The following BCL2L11 variants were observed in gnomAD, a reference collection of about 807,000 sequenced individuals.
The protein encoded by BCL2L11 is bcl-2-like protein 11.
BCL2L11 carries 15 observed loss-of-function variants against 20.6 expected under a neutral mutation model. The ratio of observed to expected loss-of-function variants is 0.73; its 90% CI spans 0.49 to 1.12. BCL2L11 has a LOEUF of 1.12. Among genes scored for constraint, BCL2L11 ranks in the 50% most tolerant of loss-of-function variants. The pLI is 0.00. For synonymous variants in BCL2L11, 108 were observed against 92.8 expected (o/e 1.16, Z -0.94); for missense variants, 292 against 260.9 (o/e 1.12, Z -0.82).
In BCL2L11 at chr2:111,160,438, C is replaced by T. The variant is rs558151960; in HGVS notation, c.499-3695C>T. ...ACCTGATGCTGGTCAGCAACAGGGCCACTGGAGCCCCTTACCCTGAGAGGG... is the reference window on the plus strand; with the variant it reads ...ACCTGATGCTGGTCAGCAACAGGGCTACTGGAGCCCCTTACCCTGAGAGGG... On this transcript the variant is annotated intron_variant, in intron 3 of 3. Transcript: ENST00000393256. 5.9e-5 allele frequency among the ~76,000 whole-genome samples: 9 copies of T among 152,336 alleles called. No homozygotes were observed. In the South Asian group the frequency reaches 1.7e-3, roughly 28 times the overall value.
At chr2:111,127,315 TC>T (rs1262123555) in intron 2 of BCL2L11, among the ~76,000 whole-genome samples, 1 of 152,062 alleles carries the variant, frequency 6.6e-6, no homozygotes, top group Non-Finnish European at 1.5e-5. Flanking sequence ...TTGAGAAAAG[TC>T]AGGATATGGA....
intron 3 of BCL2L11, chr2:111,150,397 G>A: frequency 1.8e-6 from 1 of 552,670 alleles, no homozygotes; most frequent in Non-Finnish European, 2.9e-6. Context: ...TTAAAACAAT[G>A]CTAAAAAAGG....
chr2:111,144,474 C>A (rs1199380679), intron 2 of BCL2L11: 1 of 1,550,568 alleles, frequency 6.4e-7, no homozygotes, highest in Non-Finnish European at 8.7e-7. Flanking sequence ...CAGTTGCTCT[C>A]CTTTGCCTTA....
rs1553483155 is a variant in BCL2L11 at position 111,120,966 on chromosome 2, G to GCGCCGCTGCCGCTGC, written c.-229_-215dup. The GCGCCGCTGCCGCTGC allele has an allele frequency of 1.6e-5, 6 of 368,004 alleles. No homozygotes were observed. The highest frequency in any genetic ancestry group is 1.4e-4 in the African/African-American group (5 of 36,500). The allele number at this position is 368,004 out of a possible 1,614,324, so 22.8% of individuals were successfully genotyped here. ...GCAGTTTGTTGGAGCTCTGCGTCCA[G>GCGCCGCTGCCGCTGC]CGCCGCTGCCGCTGCCGCCGCCGCC... On this transcript the variant is annotated 5_prime_UTR_variant, in exon 1 of 4. Transcript: ENST00000393256.
Position 111,123,987 on chromosome 2 carries a change from T to C in BCL2L11, c.242T>C (p.Ile81Thr). Residue 81 changes from isoleucine to threonine, a missense_variant, in exon 2 of 4, where the codon ATC becomes ACC. Physicochemically the swap from Ile to Thr is moderately conservative, Grantham distance 89 (BLOSUM62 -1). Coordinates refer to ENST00000393256, the MANE Select transcript of BCL2L11 (RefSeq NM_138621.5). The stretch of plus-strand genomic sequence containing the variant: ...TTTGCTACCAGATCCCCGCTTTTCA[T>C]CTTTATGAGAAGATCCTCCCTGCTG... ...GPFATRSPLFIFMRRSSLLSR... is the reference protein window; with the variant it reads ...GPFATRSPLFTFMRRSSLLSR... 1 of 1,614,236 alleles carries C rather than the reference T, an allele frequency of 6.2e-7. No individual in the cohort carries two copies.
chr2:111,158,760 C>T (rs2150569330), intron 3 of BCL2L11, among the ~76,000 whole-genome samples: 1 of 152,266 alleles, frequency 6.6e-6, no homozygotes, highest in African/African-American at 2.4e-5. Context: ...TCGTTTTTCC[C>T]TCGTTGCTCT....
intron 2 of BCL2L11, chr2:111,132,048 G>C (rs987288965): frequency 6.6e-6 from 1 of 152,170 alleles, no homozygotes; most frequent in African/African-American, 2.4e-5. Flanking sequence ...CCACACTCCA[G>C]CTCCCAATCT....
chr2:111,120,991 C>CGCT lies in BCL2L11; in HGVS notation c.-209_-208insTGC. On this transcript the variant is annotated 5_prime_UTR_variant, in exon 1 of 4. Transcript: ENST00000393256. ...GCGCCGCTGCCGCTGCCGCCGCCGC[C>CGCT]GCCGCCGCCGCCGCCGCCGCCGCCG... 2 of 310,288 alleles carry CGCT rather than the reference C, an allele frequency of 6.4e-6. No individual in the cohort carries two copies. The highest frequency in any genetic ancestry group is 5.6e-5 in the South Asian group (1 of 17,838). The allele number at this position is 310,288 out of a possible 1,614,324, so 19.2% of individuals were successfully genotyped here. A position where few individuals can be genotyped will look rare whatever the true frequency, so the allele number is the denominator to read the frequency against.
chr2:111,164,372 A>AC lies in BCL2L11; in HGVS notation c.*143dup. On this transcript the variant is annotated 3_prime_UTR_variant, in exon 4 of 4. Coordinates refer to ENST00000393256, the MANE Select transcript of BCL2L11 (RefSeq NM_138621.5). ...GGGGGCAGGTGACGTTTCAGAAGACACCGAGCTGGATGGGACTACCTTTCT... is the reference window on the plus strand; with the variant it reads ...GGGGGCAGGTGACGTTTCAGAAGACACCCGAGCTGGATGGGACTACCTTTCT... 1 of 642,062 alleles carries AC rather than the reference A, an allele frequency of 1.6e-6. No homozygotes were observed. Among genetic ancestry groups the AC allele is most frequent in the Non-Finnish European group, 2.9e-6 (1 of 349,704 alleles). 39.8% of individuals were successfully genotyped at this position (642,062 alleles called of 1,614,324 possible). A position where few individuals can be genotyped will look rare whatever the true frequency, so the allele number is the denominator to read the frequency against.
At chr2:111,161,261 A>G (rs1350822433) in intron 3 of BCL2L11, among the ~76,000 whole-genome samples, 4 of 152,238 alleles carry the variant, frequency 2.6e-5, no homozygotes, top group African/African-American at 9.6e-5. Flanking sequence ...ATAAAGAGGA[A>G]GATACCCAGA....
At chr2:111,129,396 CATTT>C (rs1487880601) in intron 2 of BCL2L11, among the ~76,000 whole-genome samples, 5 of 152,146 alleles carry the variant, frequency 3.3e-5, no homozygotes, top group African/African-American at 1.2e-4. Flanking sequence ...GTTCCAAACA[CATTT>C]ATTAATTGTT....
chr2:111,154,105 A>C (rs2077548078), intron 3 of BCL2L11, among the ~76,000 whole-genome samples: 1 of 152,182 alleles, frequency 6.6e-6, no homozygotes, highest in Non-Finnish European at 1.5e-5. Flanking sequence ...ACCCTTTTAT[A>C]TCTGCCCCAC....
chr2:111,166,948 T>C lies in BCL2L11; in HGVS notation c.*2717T>C, dbSNP rs969193370. The C allele has an allele frequency of 6.6e-6, 1 of 152,660 alleles. No homozygotes were observed. Among genetic ancestry groups the C allele is most frequent in the Non-Finnish European group, 1.5e-5 (1 of 68,042 alleles). The allele number at this position is 152,660 out of a possible 1,614,324, so 9.5% of individuals were successfully genotyped here. A position where few individuals can be genotyped will look rare whatever the true frequency, so the allele number is the denominator to read the frequency against. On this transcript the variant is annotated 3_prime_UTR_variant, in exon 4 of 4. Coordinates refer to ENST00000393256, the MANE Select transcript of BCL2L11 (RefSeq NM_138621.5). ...TGTGTGCAATTGTGTTTCCTTTACCTTGTAAAATTTTGTACAGCATAAATA... is the reference window on the plus strand; with the variant it reads ...TGTGTGCAATTGTGTTTCCTTTACCCTGTAAAATTTTGTACAGCATAAATA...
chr2:111,135,300 A>G (rs371042345), intron 2 of BCL2L11, among the ~76,000 whole-genome samples: 43 of 152,234 alleles, frequency 2.8e-4, no homozygotes, highest in African/African-American at 9.4e-4. Flanking sequence ...GCCTGTTTCT[A>G]CTAGGTAAGT....
At position 111,123,686 on chromosome 2, in the gene BCL2L11, A is replaced by ATTT. The variant is rs372903612; in HGVS notation, c.-13-38_-13-36dup. The ATTT allele has an allele frequency of 5.5e-5, 59 of 1,080,540 alleles. No homozygotes were observed. The African/African-American group carries it at 7.2e-4, about 13-fold the overall frequency. The allele number at this position is 1,080,540 out of a possible 1,614,324, so 66.9% of individuals were successfully genotyped here. On this transcript the variant is annotated intron_variant, in intron 1 of 3. Transcript: ENST00000393256. ...TGAGAGCTAATTTGTTTATTCATCG[A>ATTT]TTTTTTTTTTTGCTTAAAATAATCT... is the stretch of plus-strand genomic sequence containing the variant.
In BCL2L11 at chr2:111,156,539, G is replaced by A. The variant is rs545302272; in HGVS notation, c.498+6392G>A. Among the ~76,000 whole-genome samples, 6 of 152,300 alleles carry A rather than the reference G, an allele frequency of 3.9e-5. No individual in the cohort carries two copies. The East Asian group carries it at 9.6e-4, about 24-fold the overall frequency. ...CCGTTTCCGTCCCAGAAGTACAATGGCCAGAGGTGATGAGCTCCTTGGTTC... is the reference window on the plus strand; with the variant it reads ...CCGTTTCCGTCCCAGAAGTACAATGACCAGAGGTGATGAGCTCCTTGGTTC... On this transcript the variant is annotated intron_variant, in intron 3 of 3. Transcript: ENST00000393256.
chr2:111,164,373 C>G lies in BCL2L11; in HGVS notation c.*142C>G. The G allele has an allele frequency of 1.6e-6, 1 of 642,444 alleles. No individual in the cohort carries two copies. Among genetic ancestry groups the G allele is most frequent in the East Asian group, 2.7e-5 (1 of 36,426 alleles). 39.8% of individuals were successfully genotyped at this position (642,444 alleles called of 1,614,324 possible). A position where few individuals can be genotyped will look rare whatever the true frequency, so the allele number is the denominator to read the frequency against. Reference sequence around the variant, plus strand: ...GGGGCAGGTGACGTTTCAGAAGACACCGAGCTGGATGGGACTACCTTTCTG... The same window carrying G: ...GGGGCAGGTGACGTTTCAGAAGACAGCGAGCTGGATGGGACTACCTTTCTG... On this transcript the variant is annotated 3_prime_UTR_variant, in exon 4 of 4. Transcript: ENST00000393256.
At position 111,167,104 on chromosome 2, in the gene BCL2L11, T is replaced by C. The variant is rs2079059685; in HGVS notation, c.*2873T>C. The C allele has an allele frequency of 6.5e-6, 1 of 152,674 alleles. No homozygotes were observed. Among genetic ancestry groups the C allele is most frequent in the South Asian group, 2.1e-4 (1 of 4,838 alleles). The allele number at this position is 152,674 out of a possible 1,614,324, so 9.5% of individuals were successfully genotyped here. On this transcript the variant is annotated 3_prime_UTR_variant, in exon 4 of 4. Transcript: ENST00000393256. ...TTGTAGAAATATTGTATATTTATTT[T>C]CTGCTTATTTAATGTCTTAATTTCT... is the stretch of plus-strand genomic sequence containing the variant.
At position 111,166,548 on chromosome 2, in the gene BCL2L11, C is replaced by T. The variant is rs1042723936; in HGVS notation, c.*2317C>T. The T allele has an allele frequency of 1.3e-5, 2 of 152,648 alleles. No homozygotes were observed. The highest frequency in any genetic ancestry group is 2.9e-5 in the Non-Finnish European group (2 of 68,034). 9.5% of individuals were successfully genotyped at this position (152,648 alleles called of 1,614,324 possible). On this transcript the variant is annotated 3_prime_UTR_variant, in exon 4 of 4. Transcript: ENST00000393256. ...AGAAAGTATGCCTCCCGTGGGTATACGTTTTTACCTTTTTTAAAAAACATT... is the reference window on the plus strand; with the variant it reads ...AGAAAGTATGCCTCCCGTGGGTATATGTTTTTACCTTTTTTAAAAAACATT...
Sources: allele counts gnomAD v4.1 joint callset (sites outside exome capture counted in the v4.1 genomes callset), GRCh38; gene constraint gnomAD v4.1.1; transcripts MANE v1.5; gene names NCBI Gene and HGNC (gene_info 2026-07-23, HGNC 2026-07-21).